The following C12orf42 variants were observed in gnomAD, a reference collection of about 807,000 sequenced individuals.
C12orf42 encodes the protein chromosome 12 open reading frame 42.
Under a neutral mutation model 21.6 loss-of-function variants are expected in C12orf42, and 25 were observed. The observed-to-expected ratio is 1.16, with a 90% CI of 0.84 to 1.62. The LOEUF (loss-of-function observed/expected upper bound fraction) is 1.62. C12orf42 is among the 40% of genes most tolerant of loss of function. The pLI is 0.00. For synonymous variants in C12orf42, 174 were observed against 175.0 expected, an observed-to-expected ratio of 0.99 and a Z score of 0.05; for missense variants, 483 against 459.3, an observed-to-expected ratio of 1.05 and a Z score of -0.47.
the C12orf42 span, among the ~76,000 whole-genome samples, chr12:103,186,959 A>G: frequency 1.3e-5 from 2 of 152,158 alleles, no homozygotes; most frequent in African/African-American, 4.8e-5. Context: ...GTTCATTTGT[A>G]TTTCAGATTA....
intron 3 of C12orf42, among the ~76,000 whole-genome samples, chr12:103,377,509 T>A (rs1264424603): frequency 6.6e-6 from 1 of 152,012 alleles, no homozygotes; most frequent in Non-Finnish European, 1.5e-5. Context: ...CCGGTAACAT[T>A]CTGGGTAGAG....
chr12:103,556,279 G>A, the C12orf42 span, among the ~76,000 whole-genome samples: 1 of 152,260 alleles, frequency 6.6e-6, no homozygotes, highest in East Asian at 1.9e-4. Flanking sequence ...GTCTGGACCA[G>A]TATAAGCACT....
At chr12:103,334,648 T>G (rs1274611542) in intron 4 of C12orf42, among the ~76,000 whole-genome samples, 2 of 152,062 alleles carry the variant, frequency 1.3e-5, no homozygotes, top group African/African-American at 2.4e-5. Context: ...CGATTTCCCC[T>G]GCGTTCCCAG....
At chr12:103,228,724 A>C in the C12orf42 span, among the ~76,000 whole-genome samples, 2 of 151,940 alleles carry the variant, frequency 1.3e-5, no homozygotes, top group Non-Finnish European at 2.9e-5. Flanking sequence ...AGTATATTTT[A>C]CTACATTTTT....
At chr12:103,447,943 A>G (rs1352017162) in intron 2 of C12orf42, among the ~76,000 whole-genome samples, 2 of 151,982 alleles carry the variant, frequency 1.3e-5, no homozygotes, top group Non-Finnish European at 2.9e-5. Context: ...GAAAAAAACA[A>G]TATTATAATT....
the C12orf42 span, among the ~76,000 whole-genome samples, chr12:103,514,520 G>A: frequency 6.6e-6 from 1 of 152,160 alleles, no homozygotes; most frequent in Non-Finnish European, 1.5e-5. Context: ...CATGGGGAAG[G>A]AGTATGGGAG....
At chr12:103,219,006 G>A in the C12orf42 span, among the ~76,000 whole-genome samples, 3 of 152,164 alleles carry the variant, frequency 2.0e-5, no homozygotes, top group Non-Finnish European at 4.4e-5. Context: ...CAAACACTGA[G>A]CTAGCTGCAG....
At chr12:103,074,403 G>C in the C12orf42 span, among the ~76,000 whole-genome samples, 59 of 152,140 alleles carry the variant, frequency 3.9e-4, no homozygotes, top group Non-Finnish European at 7.9e-4. Context: ...TCTGCAAATA[G>C]CTTGGCAAAT....
At chr12:103,435,501 GA>G (rs892213056) in intron 2 of C12orf42, among the ~76,000 whole-genome samples, 7 of 152,188 alleles carry the variant, frequency 4.6e-5, no homozygotes, top group African/African-American at 1.7e-4. Context: ...TGAAAACTTT[GA>G]AAAAAATTTA....
chr12:103,341,830 G>C (rs915034520), intron 4 of C12orf42, among the ~76,000 whole-genome samples: 3 of 152,102 alleles, frequency 2.0e-5, no homozygotes, highest in Admixed American at 6.5e-5. Flanking sequence ...ATCTTGAGTG[G>C]CTTATATTAA....
At chr12:103,431,150 T>C (rs11111573) in intron 2 of C12orf42, 2 of 152,098 alleles carry the variant, frequency 1.3e-5, no homozygotes, top group African/African-American at 4.8e-5. Context: ...TTGACATTTA[T>C]CAAGAATGTA....
At chr12:103,543,315 A>T in the C12orf42 span, among the ~76,000 whole-genome samples, 104 of 152,250 alleles carry the variant, frequency 6.8e-4, 3 homozygotes, top group East Asian at 0.019. Flanking sequence ...TACAGTGCAA[A>T]ATTCTTAGGC....
chr12:103,394,375 C>A (rs374963906), intron 3 of C12orf42, among the ~76,000 whole-genome samples: 1 of 152,298 alleles, frequency 6.6e-6, no homozygotes, highest in East Asian at 1.9e-4. Context: ...TCCTGCCCTA[C>A]GTTTACCTGA....
chr12:103,445,146 C>T (rs1338628421), intron 2 of C12orf42, among the ~76,000 whole-genome samples: 1 of 151,922 alleles, frequency 6.6e-6, no homozygotes, highest in Non-Finnish European at 1.5e-5. Context: ...GAGTTTGTTC[C>T]TTATCATTCT....
chr12:103,110,342 A>C, the C12orf42 span, among the ~76,000 whole-genome samples: 1 of 152,228 alleles, frequency 6.6e-6, no homozygotes, highest in Non-Finnish European at 1.5e-5. Context: ...AAAACACACA[A>C]AGCAAGATTA....
the C12orf42 span, among the ~76,000 whole-genome samples, chr12:103,190,031 G>A: frequency 4.0e-5 from 6 of 151,832 alleles, no homozygotes; most frequent in Non-Finnish European, 8.8e-5. Context: ...GGGAGAATTG[G>A]CTCACACAAT....
the C12orf42 span, among the ~76,000 whole-genome samples, chr12:103,057,389 C>T: frequency 6.6e-6 from 1 of 151,990 alleles, no homozygotes; most frequent in East Asian, 1.9e-4. Flanking sequence ...GTGTGTTGTT[C>T]CACTCCCTGT....
At chr12:103,507,354 G>A in the C12orf42 span, among the ~76,000 whole-genome samples, 1 of 130,734 alleles carries the variant, frequency 7.6e-6, no homozygotes, top group African/African-American at 3.0e-5. Context: ...TGTACCAATA[G>A]GGATTGGGCA....
chr12:103,128,615 G>A, the C12orf42 span, among the ~76,000 whole-genome samples: 1 of 152,168 alleles, frequency 6.6e-6, no homozygotes, highest in East Asian at 1.9e-4. Context: ...TCTTTAAAAT[G>A]GGAACAACAG....
Sources: gnomAD v4.1 joint callset for allele counts (sites outside exome capture counted in the v4.1 genomes callset) on GRCh38, gnomAD v4.1.1 for gene constraint, MANE v1.5 for transcripts, NCBI Gene and HGNC (gene_info 2026-07-23, HGNC 2026-07-21) for gene names.